Variants in CCNJL observed in about 807,000 individuals in gnomAD.
CCNJL encodes the protein cyclin J like.
A neutral mutation model predicts 33.4 loss-of-function variants in CCNJL; 33 were observed. The ratio of observed to expected loss-of-function variants is 0.99; its 90% CI spans 0.75 to 1.32. The LOEUF is 1.32. CCNJL is among the 40% of genes most tolerant of loss of function. The pLI is 0.00. For missense variants in CCNJL, 512 were observed against 499.7 expected (o/e 1.02, Z -0.23); for synonymous variants, 227 against 220.9 (o/e 1.03, Z -0.24).
intron 3 of CCNJL, among the ~76,000 whole-genome samples, chr5:160,268,761 C>G (rs1378585203): frequency 6.6e-6 from 1 of 152,218 alleles, no homozygotes; most frequent in Non-Finnish European, 1.5e-5. Flanking sequence ...TAGGAAACAT[C>G]CTGGAGAAAC....
intron 2 of CCNJL, among the ~76,000 whole-genome samples, chr5:160,287,883 A>G (rs1338646351): frequency 6.7e-6 from 1 of 149,298 alleles, no homozygotes; most frequent in Admixed American, 6.7e-5. Context: ...GGCTAGGGGG[A>G]GGCTGTAGAA....
chr5:160,320,603 G>A (rs995653824), intron 1 of CCNJL, among the ~76,000 whole-genome samples: 1 of 152,200 alleles, frequency 6.6e-6, no homozygotes, highest in African/African-American at 2.4e-5. Flanking sequence ...TGACCAGTGG[G>A]TGCGTGCTGC....
Position 160,291,036 on chromosome 5 carries a change from TAAAAAA to T in CCNJL, c.67-10304_67-10299del, listed in dbSNP as rs1177369719. On this transcript the variant is annotated intron_variant, in intron 2 of 5. Coordinates refer to ENST00000257536, the MANE Select transcript of CCNJL (RefSeq NM_001308173.3). Reference sequence around the variant, plus strand: ...AACATAGAAACACCCCGTCTTTACTTAAAAAAAAAAAAAAAAAAAAAAAAAGAAAGA... The same window carrying T: ...AACATAGAAACACCCCGTCTTTACTTAAAAAAAAAAAAAAAAAAAGAAAGA... Among the ~76,000 whole-genome samples, 16 of 57,540 alleles carry T rather than the reference TAAAAAA, an allele frequency of 2.8e-4. 1 individual carries two copies. The South Asian group carries it at 7.0e-3, about 25-fold the overall frequency. 37.7% of individuals were successfully genotyped at this position (57,540 alleles called of 152,430 possible).
At chr5:160,280,810 G>T (rs1359746164) in intron 2 of CCNJL, 72 bp from the exon 3 acceptor site, 1 of 1,008,492 alleles carries the variant, frequency 9.9e-7, no homozygotes, top group Non-Finnish European at 1.5e-6. Context: ...CCCAGGAAAT[G>T]GGACCTCAGG....
In CCNJL at chr5:160,253,699, C is replaced by T. The variant is rs1369809716; in HGVS notation, c.843G>A (p.Gln281=). 1.2e-6 allele frequency: 2 copies of T among 1,605,016 alleles called. No individual in the cohort carries two copies. Among genetic ancestry groups the T allele is most frequent in the Admixed American group, 1.7e-5 (1 of 59,556 alleles). Residue 281 remains glutamine, a synonymous_variant, in exon 6 of 6, where the codon CAG becomes CAA. Coordinates refer to ENST00000257536, the MANE Select transcript of CCNJL (RefSeq NM_001308173.3). The stretch of plus-strand genomic sequence containing the variant: ...GGCCGAGGGCCGGGTAGGCTGGTGG[C>T]TGGAACAGCACTTGAGTGGGGGTGG... ...TPPTPTQVLF[Q]PPAYPALGQP... is the part of the protein sequence containing the mutation.
intron 3 of CCNJL, chr5:160,269,360 T>A: frequency 2.2e-6 from 1 of 454,760 alleles, no homozygotes; most frequent in Non-Finnish European, 4.4e-6. Flanking sequence ...GGGGCCTGCA[T>A]CCCACAAGTG....
intron 2 of CCNJL, among the ~76,000 whole-genome samples, chr5:160,287,874 G>C (rs750419148): frequency 6.6e-6 from 1 of 152,176 alleles, no homozygotes; most frequent in Non-Finnish European, 1.5e-5. Flanking sequence ...CAGCAGAAAG[G>C]CTAGGGGGAG....
intron 1 of CCNJL, among the ~76,000 whole-genome samples, chr5:160,323,172 T>A (rs1391047434): frequency 6.7e-6 from 1 of 149,898 alleles, no homozygotes; most frequent in African/African-American, 2.5e-5. Flanking sequence ...GAGGCGGAGG[T>A]TGCAGTGAGC....
Position 160,253,128 on chromosome 5 carries a change from C to T in CCNJL, c.*250G>A, listed in dbSNP as rs569661485. 68 of 393,590 alleles carry T rather than the reference C, an allele frequency of 1.7e-4. No homozygotes were observed. Among genetic ancestry groups the T allele is most frequent in the African/African-American group, 1.2e-3 (61 of 48,942 alleles). 24.4% of individuals were successfully genotyped at this position (393,590 alleles called of 1,614,324 possible). A position where few individuals can be genotyped will look rare whatever the true frequency, so the allele number is the denominator to read the frequency against. On this transcript the variant is annotated 3_prime_UTR_variant, in exon 6 of 6. Transcript: ENST00000257536. The stretch of plus-strand genomic sequence containing the variant: ...TTCACTGGGCCCCTGTGTGGGGGGA[C>T]GGCCACCAAGCCATCCTTTTGTACC...
intron 1 of CCNJL, among the ~76,000 whole-genome samples, chr5:160,338,336 G>A (rs12514662): frequency 1.3e-5 from 2 of 152,216 alleles, no homozygotes; most frequent in African/African-American, 4.8e-5. Flanking sequence ...GAAGGTTGCA[G>A]TGAGCTGAGA....
intron 1 of CCNJL, among the ~76,000 whole-genome samples, chr5:160,338,953 G>A (rs1042899965): frequency 2.6e-5 from 4 of 152,046 alleles, no homozygotes; most frequent in South Asian, 2.1e-4. Flanking sequence ...ACCATGCCCG[G>A]CAAATTTTTG....
At position 160,253,391 on chromosome 5, in the gene CCNJL, C is replaced by G. The variant is rs1430038051; in HGVS notation, c.1151G>C (p.Cys384Ser). The change falls in exon 6 of 6, where the codon TGC (cysteine) becomes TCC (serine). Residue 384 changes from cysteine (C) to serine (S), a missense_variant. Cys to Ser is a moderately radical substitution (Grantham distance 112). Transcript: ENST00000257536. ...TCTGGAGGTGGCCTATCTGTCAAAG[C>G]AGCCGGTGGGGAACATGTGGCTCCC... ...FSGSHMFPTG[C>S]FDR The G allele has an allele frequency of 6.3e-7, 1 of 1,579,846 alleles. No homozygotes were observed. Among genetic ancestry groups the G allele is most frequent in the South Asian group, 1.2e-5 (1 of 85,056 alleles).
chr5:160,253,687 G>T lies in CCNJL; in HGVS notation c.855C>A (p.Tyr285Ter), dbSNP rs968459583. Residue 285 changes from tyrosine (Y) to a stop codon, truncating the protein, a stop_gained, in exon 6 of 6, where the codon TAC becomes TAA. Transcript: ENST00000257536. LOFTEE classifies it high-confidence loss of function. ...PTQVLFQPPAYPALGQPATTL... is the reference protein window; with the variant it reads ...PTQVLFQPPA ...TGGTCGCTGGCTGGCCGAGGGCCGG[G>T]TAGGCTGGTGGCTGGAACAGCACTT... 6.2e-7 allele frequency: 1 copy of T among 1,607,374 alleles called. No homozygotes were observed. Among genetic ancestry groups the T allele is most frequent in the African/African-American group, 1.3e-5 (1 of 74,856 alleles).
intron 3 of CCNJL, among the ~76,000 whole-genome samples, chr5:160,279,059 G>A (rs1205974468): frequency 6.6e-6 from 1 of 152,218 alleles, no homozygotes; most frequent in Non-Finnish European, 1.5e-5. Flanking sequence ...CAGGTAAAAG[G>A]TGCCAGCGTG....
intron 1 of CCNJL, among the ~76,000 whole-genome samples, chr5:160,332,571 T>G (rs1214763879): frequency 1.3e-5 from 2 of 152,188 alleles, no homozygotes; most frequent in African/African-American, 4.8e-5. Flanking sequence ...CCTGTCCACC[T>G]GCTCCCACCA....
chr5:160,305,050 G>A (rs540507177), intron 2 of CCNJL, among the ~76,000 whole-genome samples: 2 of 151,886 alleles, frequency 1.3e-5, no homozygotes, highest in Admixed American at 1.3e-4. Flanking sequence ...TCTTGACCTC[G>A]TGAACCGCTC....
At chr5:160,337,960 C>T (rs995913414) in intron 1 of CCNJL, among the ~76,000 whole-genome samples, 2 of 152,180 alleles carry the variant, frequency 1.3e-5, no homozygotes, top group South Asian at 2.1e-4. Flanking sequence ...GGGCTCACCT[C>T]AACCAACCAG....
chr5:160,265,009 T>C (rs1761512387), intron 3 of CCNJL, among the ~76,000 whole-genome samples: 1 of 152,222 alleles, frequency 6.6e-6, no homozygotes, highest in Non-Finnish European at 1.5e-5. Flanking sequence ...CCAACAGTCA[T>C]CAGCATTTAC....
At chr5:160,273,524 TGAAA>T (rs1761908666) in intron 3 of CCNJL, among the ~76,000 whole-genome samples, 1 of 151,560 alleles carries the variant, frequency 6.6e-6, no homozygotes, top group African/African-American at 2.4e-5. Flanking sequence ...GTGTGAGAGG[TGAAA>T]GAAGAAGACA....
Sources: allele counts gnomAD v4.1 joint callset (sites outside exome capture counted in the v4.1 genomes callset), GRCh38; gene constraint gnomAD v4.1.1; transcripts MANE v1.5; gene names NCBI Gene and HGNC (gene_info 2026-07-23, HGNC 2026-07-21).